The following PLA2G7 variants were observed in gnomAD, a reference collection of about 807,000 sequenced individuals.
PLA2G7 encodes platelet-activating factor acetylhydrolase.
Under a neutral mutation model 49.6 loss-of-function variants are expected in PLA2G7, and 63 were observed. The ratio of observed to expected loss-of-function variants is 1.27; its 90% CI spans 1.04 to 1.57. PLA2G7 has a LOEUF of 1.57. Ranked by LOEUF, PLA2G7 falls within the 40% of genes most tolerant of loss-of-function variation. The pLI is 0.00. For synonymous variants in PLA2G7, 193 were observed against 169.9 expected, an observed-to-expected ratio of 1.14 and a Z score of -1.06; for missense variants, 596 against 521.2, an observed-to-expected ratio of 1.14 and a Z score of -1.40.
intron 8 of PLA2G7, 94 bp downstream of exon 8, chr6:46,710,451 T>C (rs1764973609): frequency 1.2e-6 from 1 of 816,994 alleles, no homozygotes; most frequent in African/African-American, 1.7e-5. Context: ...TGCAGCCCTT[T>C]ATCATATTGT....
chr6:46,712,236 G>A, intron 6 of PLA2G7, 33 bp downstream of exon 6: 5 of 1,369,180 alleles, frequency 3.7e-6, no homozygotes, highest in Non-Finnish European at 4.2e-6. Context: ...CCCTGTAGTT[G>A]GCCAAAGAGC....
chr6:46,731,806 G>A (rs1458784044), intron 1 of PLA2G7, among the ~76,000 whole-genome samples: 1 of 152,056 alleles, frequency 6.6e-6, no homozygotes. Context: ...AGTGGACCAG[G>A]TATAGCAATC....
intron 6 of PLA2G7, among the ~76,000 whole-genome samples, chr6:46,712,052 G>A (rs550373226): frequency 1.2e-4 from 18 of 152,160 alleles, no homozygotes; most frequent in African/African-American, 2.9e-4. Flanking sequence ...AAAACATTTC[G>A]CATAGGACAT....
chr6:46,704,816 G>A lies in PLA2G7; in HGVS notation c.1190-120C>T, dbSNP rs1764751629. 1.4e-5 allele frequency: 10 copies of A among 697,844 alleles called. No individual in the cohort carries two copies. In the East Asian group the frequency reaches 1.6e-4, roughly 11 times the overall value. 43.2% of individuals were successfully genotyped at this position (697,844 alleles called of 1,614,324 possible). A position where few individuals can be genotyped will look rare whatever the true frequency, so the allele number is the denominator to read the frequency against. ...CAAGTTCCGTTAGGATGGTAGAGAC[G>A]ATGTGCTCTGTATCAGCTGCCTCAT... On this transcript the variant is annotated intron_variant, in intron 11 of 11. Coordinates refer to ENST00000274793, the MANE Select transcript of PLA2G7 (RefSeq NM_005084.4).
chr6:46,718,163 A>T (rs1765278788), intron 2 of PLA2G7, among the ~76,000 whole-genome samples: 1 of 152,134 alleles, frequency 6.6e-6, no homozygotes, highest in African/African-American at 2.4e-5. Context: ...CCCACGTTGG[A>T]TCTTGACCCC....
chr6:46,705,143 A>G lies in PLA2G7; in HGVS notation c.1189+10T>C, dbSNP rs751913044. 2 of 1,594,730 alleles carry G rather than the reference A, an allele frequency of 1.3e-6. No homozygotes were observed. The highest frequency in any genetic ancestry group is 2.2e-5 in the South Asian group (2 of 90,662). ...ATCTGGTTTAGGTCATGAAAAAAAT[A>G]GTTTCTTACCTAAATGCTTTTGTAA... On this transcript the variant is annotated intron_variant, in intron 11 of 11. Coordinates refer to ENST00000274793, the MANE Select transcript of PLA2G7 (RefSeq NM_005084.4).
intron 2 of PLA2G7, 63 bp downstream of exon 2, chr6:46,722,720 G>A (rs1009425080): frequency 3.1e-6 from 3 of 959,656 alleles, no homozygotes; most frequent in East Asian, 2.4e-5. Flanking sequence ...CAACTTCTTG[G>A]GGCCCACTTG....
At chr6:46,734,429 A>G (rs1191672393) in intron 1 of PLA2G7, among the ~76,000 whole-genome samples, 1 of 2,694 alleles carries the variant, frequency 3.7e-4, no homozygotes, top group Non-Finnish European at 8.7e-4. Flanking sequence ...AGAGAGAGAG[A>G]GAGAGAGAGA....
At chr6:46,707,333 C>A (rs944842669) in intron 10 of PLA2G7, among the ~76,000 whole-genome samples, 4 of 152,166 alleles carry the variant, frequency 2.6e-5, no homozygotes, top group African/African-American at 9.7e-5. Context: ...ATTGAAGTAG[C>A]ATGTAGTATA....
rs745867782 is a variant in PLA2G7, at chr6:46,709,372, C to T, written c.824G>A (p.Gly275Asp). ...EKIAVIGHSF[G>D]GATVIQTLSE... ...AAGAGTCTGAATAACCGTTGCTCCA[C>T]CAAAAGAATGTCCAATTACTGCTAT... The change falls in exon 9 of 12, where the codon GGT becomes GAT. Residue 275 changes from glycine to aspartate, a missense_variant. Transcript: ENST00000274793. The T allele has an allele frequency of 5.6e-6, 9 of 1,608,518 alleles. No homozygotes were observed. In the Admixed American group the frequency reaches 8.3e-5, roughly 15 times the overall value.
chr6:46,711,622 A>G lies in PLA2G7; in HGVS notation c.540-3T>C, dbSNP rs1765027792. On this transcript the variant is annotated splice_polypyrimidine_tract_variant and splice_region_variant and intron_variant, in intron 6 of 11. Coordinates refer to ENST00000274793, the MANE Select transcript of PLA2G7 (RefSeq NM_005084.4). ...AAGTTGCAGATGCAGATCTATCTCT[A>G]TAATACAAGCAAAATTATTATTTAT... The G allele has an allele frequency of 6.2e-7, 1 of 1,613,262 alleles. No homozygotes were observed. Among genetic ancestry groups the G allele is most frequent in the African/African-American group, 1.3e-5 (1 of 74,912 alleles).
In PLA2G7 at chr6:46,727,093, C is replaced by A. The variant is rs146215772; in HGVS notation, c.-34-4168G>T. Among the ~76,000 whole-genome samples the A allele has an allele frequency of 6.0e-4, 91 of 152,230 alleles. No individual in the cohort carries two copies. In the East Asian group the frequency reaches 0.017, roughly 28 times the overall value. ...CAATGAGCACTCAGATAATACATTC[C>A]ATTTAAACGGATTCTACCTTTCTGC... On this transcript the variant is annotated intron_variant, in intron 1 of 11. Transcript: ENST00000274793.
At chr6:46,712,221 AC>A (rs1765052891) in intron 6 of PLA2G7, 47 bp downstream of exon 6, 1 of 1,116,264 alleles carries the variant, frequency 9.0e-7, no homozygotes, top group African/African-American at 1.5e-5. Context: ...ATGAGCATTG[AC>A]ATTCCCTGTA....
rs1052369275 is a variant in PLA2G7, at chr6:46,734,384, AG to A, written c.-35+795del. Among the ~76,000 whole-genome samples, 4 of 132,754 alleles carry A rather than the reference AG, an allele frequency of 3.0e-5. No homozygotes were observed. The Admixed American group carries it at 3.5e-4, about 11-fold the overall frequency. 87.1% of individuals were successfully genotyped at this position (132,754 alleles called of 152,430 possible). On this transcript the variant is annotated intron_variant, in intron 1 of 11. Transcript: ENST00000274793. The stretch of plus-strand genomic sequence containing the variant: ...GGAGGGAGAGAGAGAGAGGAGGCAG[AG>A]TGAGAGGTGTGTAGTGGTGTGTGTG...
intron 2 of PLA2G7, among the ~76,000 whole-genome samples, chr6:46,721,007 C>T (rs1004108860): frequency 5.3e-5 from 8 of 152,148 alleles, no homozygotes; most frequent in African/African-American, 1.4e-4. Context: ...ATTTAATAAA[C>T]TGTTTCTAAT....
chr6:46,725,426 T>C (rs1562079047), intron 1 of PLA2G7, among the ~76,000 whole-genome samples: 1 of 152,024 alleles, frequency 6.6e-6, no homozygotes, highest in Non-Finnish European at 1.5e-5. Context: ...GAGATGGGGT[T>C]TCACCATGTT....
rs45540135 is a variant in PLA2G7 at position 46,706,089 on chromosome 6, T to G, written c.1041-788A>C. Among the ~76,000 whole-genome samples the G allele has an allele frequency of 3.4e-3, 522 of 152,342 alleles. 2 individuals are homozygous for G. Among genetic ancestry groups the G allele is most frequent in the African/African-American group, 0.012 (496 of 41,580 alleles). ...TCTCTTCTACTTCAAATGTTTCATCTGTGTTATCATGTAAATTATGTAATC... is the reference window on the plus strand; with the variant it reads ...TCTCTTCTACTTCAAATGTTTCATCGGTGTTATCATGTAAATTATGTAATC... On this transcript the variant is annotated intron_variant, in intron 10 of 11. Transcript: ENST00000274793.
chr6:46,717,774 C>A (rs1448123813), intron 2 of PLA2G7, among the ~76,000 whole-genome samples: 1 of 143,722 alleles, frequency 7.0e-6, no homozygotes, highest in Non-Finnish European at 1.5e-5. Flanking sequence ...TGCAGTGGTG[C>A]AATCTTGGCT....
At chr6:46,713,258 T>G (rs534481379) in intron 5 of PLA2G7, among the ~76,000 whole-genome samples, 1 of 151,122 alleles carries the variant, frequency 6.6e-6, no homozygotes, top group Admixed American at 6.6e-5. Context: ...AGCTAGAAAC[T>G]ATTTATTTAT....
Sources: allele counts gnomAD v4.1 joint callset (sites outside exome capture counted in the v4.1 genomes callset), GRCh38; gene constraint gnomAD v4.1.1; transcripts MANE v1.5; gene names NCBI Gene and HGNC (gene_info 2026-07-23, HGNC 2026-07-21).